The following SHISAL1 variants were observed in gnomAD, a reference collection of about 807,000 sequenced individuals.
SHISAL1 encodes shisa like 1, also known as protein shisa-like-1.
In SHISAL1, 9 loss-of-function variants were observed where a neutral mutation model predicts 22.6. That is an observed-to-expected ratio of 0.40 (90% CI 0.24 to 0.70). SHISAL1 has a LOEUF of 0.70. Ranked by LOEUF, SHISAL1 falls within the 30% of genes least tolerant of loss-of-function variation. SHISAL1 has a pLI of 0.39. For missense variants in SHISAL1, 246 were observed against 270.6 expected (o/e 0.91, Z 0.64); for synonymous variants, 119 against 115.4 (o/e 1.03, Z -0.20).
At chr22:44,302,068 C>T (rs1018186736) in intron 1 of SHISAL1, among the ~76,000 whole-genome samples, 4 of 152,176 alleles carry the variant, frequency 2.6e-5, no homozygotes, top group African/African-American at 7.2e-5. Flanking sequence ...CAGTGGCCCA[C>T]ACCACCCAGG....
At chr22:44,316,101 G>A (rs2055556967), upstream of SHISAL1, among the ~76,000 whole-genome samples, 1 of 152,180 alleles carries the variant, frequency 6.6e-6, no homozygotes, top group African/African-American at 2.4e-5. Flanking sequence ...GTCATTCTGT[G>A]ACTTGCCCAA....
chr22:44,319,186 G>A, the SHISAL1 span, among the ~76,000 whole-genome samples: 1 of 152,252 alleles, frequency 6.6e-6, no homozygotes, highest in Non-Finnish European at 1.5e-5. Flanking sequence ...CATTCCTTGA[G>A]CACCTCCGAT....
At chr22:44,306,365 G>A (rs1308751338) in intron 1 of SHISAL1, among the ~76,000 whole-genome samples, 2 of 146,798 alleles carry the variant, frequency 1.4e-5, no homozygotes, top group African/African-American at 5.0e-5. Flanking sequence ...GATGACGATG[G>A]CGTGTGCGGA....
intron 4 of SHISAL1, among the ~76,000 whole-genome samples, chr22:44,261,077 T>TTATA (rs56290835): frequency 0.15 from 15,856 of 108,506 alleles, 2,027 homozygotes; most frequent in South Asian, 0.2. Context: ...CTTCATTACT[T>TTATA]TATATATATA....
intron 2 of SHISAL1, among the ~76,000 whole-genome samples, chr22:44,300,401 C>T (rs1477839381): frequency 2.0e-5 from 3 of 152,190 alleles, no homozygotes; most frequent in Non-Finnish European, 4.4e-5. Flanking sequence ...ATCCTTGTAA[C>T]TGGGAGAGCA....
At chr22:44,328,794 C>T in the SHISAL1 span, among the ~76,000 whole-genome samples, 1 of 151,992 alleles carries the variant, frequency 6.6e-6, no homozygotes, top group South Asian at 2.1e-4. Flanking sequence ...CCCCACCCTG[C>T]TATTCAAACC....
In SHISAL1 at chr22:44,285,570, C is replaced by A. The variant is rs552917577; in HGVS notation, c.457G>T (p.Ala153Ser). The change falls in exon 4 of 5, where the codon GCT (alanine) becomes TCT (serine). Residue 153 changes from alanine to serine, a missense_variant. By Grantham distance (99) the Ala-to-Ser change is moderately conservative. Transcript: ENST00000381176. ...KQDPRRWGNP[A>S]RAPRPGQRAP... is the part of the protein sequence containing the mutation. ...CGCTGACCCGGCCGAGGGGCCCGAG[C>A]GGGGTTCCCCCACCGCCGGGGGTCC... 6.2e-7 allele frequency: 1 copy of A among 1,613,592 alleles called. No individual in the cohort carries two copies. The highest frequency in any genetic ancestry group is 8.5e-7 in the Non-Finnish European group (1 of 1,179,578).
intron 3 of SHISAL1, among the ~76,000 whole-genome samples, chr22:44,288,365 G>A (rs536914230): frequency 2.6e-5 from 4 of 152,284 alleles, no homozygotes; most frequent in Admixed American, 6.5e-5. Context: ...GGCCAGGCGC[G>A]GTGGCTCATG....
intron 1 of SHISAL1, among the ~76,000 whole-genome samples, chr22:44,305,992 G>A (rs900126132): frequency 2.6e-5 from 4 of 152,206 alleles, no homozygotes; most frequent in Non-Finnish European, 4.4e-5. Context: ...CGTGCGTCAC[G>A]AGAAGTTACC....
chr22:44,277,396 C>T (rs1295322060), intron 4 of SHISAL1, among the ~76,000 whole-genome samples: 2 of 152,194 alleles, frequency 1.3e-5, no homozygotes, highest in Admixed American at 6.5e-5. Flanking sequence ...GGATTTGAAC[C>T]CAGTTCTGTT....
At chr22:44,279,098 G>A (rs577028258) in intron 4 of SHISAL1, among the ~76,000 whole-genome samples, 1 of 152,262 alleles carries the variant, frequency 6.6e-6, no homozygotes, top group African/African-American at 2.4e-5. Context: ...CCCGCCTGCC[G>A]CCCATGGTAC....
At chr22:44,256,982 C>T (rs1304846998) in intron 4 of SHISAL1, among the ~76,000 whole-genome samples, 1 of 152,202 alleles carries the variant, frequency 6.6e-6, no homozygotes, top group Non-Finnish European at 1.5e-5. Flanking sequence ...CAAATTAAAG[C>T]CACAATGAGA....
intron 1 of SHISAL1, among the ~76,000 whole-genome samples, chr22:44,304,914 G>A (rs895119236): frequency 6.6e-6 from 1 of 152,188 alleles, no homozygotes; most frequent in Non-Finnish European, 1.5e-5. Context: ...AGAGCTGGTA[G>A]GTTTGTTGAG....
In SHISAL1 at chr22:44,310,347, T is replaced by C. The variant is rs528046290; in HGVS notation, c.-33+2404A>G. On this transcript the variant is annotated intron_variant, in intron 1 of 4. Transcript: ENST00000381176. This position sits in a 1 kb window ranked among gnomAD's most constrained non-coding sequence, Gnocchi z 4.0. ...CCACAGCTCAGAGAAACTAAGTGAT[T>C]GCCCAGAGCTGGAGGGTGGAAGGTT... Among the ~76,000 whole-genome samples the C allele has an allele frequency of 7.2e-5, 11 of 152,356 alleles. No individual in the cohort carries two copies. The South Asian group carries it at 2.3e-3, about 32-fold the overall frequency.
Position 44,311,627 on chromosome 22 carries a change from G to A in SHISAL1, c.-33+1124C>T, listed in dbSNP as rs73432588. 5.4e-3 allele frequency among the ~76,000 whole-genome samples: 820 copies of A among 152,340 alleles called. 8 individuals are homozygous for A. The highest frequency in any genetic ancestry group is 0.017 in the African/African-American group (714 of 41,576). ...ACCACTGTGATCCCATTTTACAGAT[G>A]AGGAAGCTGAGGCCTGGGGAAAGGG... On this transcript the variant is annotated intron_variant, in intron 1 of 4. Transcript: ENST00000381176.
chr22:44,253,425 ATG>A (rs58825139), intron 4 of SHISAL1, among the ~76,000 whole-genome samples: 9,240 of 107,594 alleles, frequency 0.086, 764 homozygotes, highest in African/African-American at 0.15. Context: ...GTATTAGTGC[ATG>A]TTTTTTTTTT....
At chr22:44,267,060 C>T (rs1316659118) in intron 4 of SHISAL1, among the ~76,000 whole-genome samples, 5 of 152,056 alleles carry the variant, frequency 3.3e-5, no homozygotes, top group Admixed American at 6.5e-5. Context: ...TTGGAGCCCA[C>T]GGATTGCACC....
intron 3 of SHISAL1, among the ~76,000 whole-genome samples, chr22:44,292,638 C>T (rs891553513): frequency 6.6e-6 from 1 of 152,220 alleles, no homozygotes; most frequent in Admixed American, 6.5e-5. Flanking sequence ...CACACAGAGG[C>T]CCTCTCCAGC....
chr22:44,265,722 G>A (rs59204675), intron 4 of SHISAL1, among the ~76,000 whole-genome samples: 6,839 of 152,288 alleles, frequency 0.045, 533 homozygotes, highest in African/African-American at 0.16. Context: ...GGAGGATCTT[G>A]CAGATTGTGC....
Sources: gnomAD v4.1 joint callset for allele counts (sites outside exome capture counted in the v4.1 genomes callset) on GRCh38, gnomAD v4.1.1 for gene constraint, Gnocchi (gnomAD v3.1) non-coding constraint, MANE v1.5 for transcripts, NCBI Gene and HGNC (gene_info 2026-07-23, HGNC 2026-07-21) for gene names.